Variants in BCL2 observed in about 807,000 individuals in gnomAD.
BCL2 encodes apoptosis regulator Bcl-2.
BCL2 carries 1 observed loss-of-function variant against 14.2 expected under a neutral mutation model. The observed-to-expected ratio is 0.07, with a 90% confidence interval of 0.02 to 0.33. The LOEUF (loss-of-function observed/expected upper bound fraction) is 0.33. Among genes scored for constraint, BCL2 ranks in the 10% least tolerant of loss-of-function variants. BCL2 has a pLI of 0.99. For missense variants in BCL2, 247 were observed against 305.9 expected, an observed-to-expected ratio of 0.81 and a Z score of 1.44; for synonymous variants, 151 against 137.2, an observed-to-expected ratio of 1.10 and a Z score of -0.70.
In BCL2 at chr18:63,169,285, T is replaced by TTTC; in HGVS notation, c.586-40529_586-40527dup. Reference sequence around the variant, plus strand: ...CTTTCTTTCTTTCTTTCTTTCTTTCTTTCTTTCTTTCTTTCTTTCTTTCTT... The same window carrying TTTC: ...CTTTCTTTCTTTCTTTCTTTCTTTCTTTCTTCTTTCTTTCTTTCTTTCTTTCTT... On this transcript the variant is annotated intron_variant, in intron 2 of 2. Coordinates refer to ENST00000333681, the MANE Select transcript of BCL2 (RefSeq NM_000633.3). 2.7e-5 allele frequency among the ~76,000 whole-genome samples: 2 copies of TTTC among 73,056 alleles called. 1 individual carries two copies. The highest frequency in any genetic ancestry group is 1.2e-3 in the South Asian group (2 of 1,646). The allele number at this position is 73,056 out of a possible 152,430, so 47.9% of individuals were successfully genotyped here. A position where few individuals can be genotyped will look rare whatever the true frequency, so the allele number is the denominator to read the frequency against.
chr18:63,266,341 A>G (rs1911822196), intron 2 of BCL2, among the ~76,000 whole-genome samples: 2 of 151,588 alleles, frequency 1.3e-5, no homozygotes, highest in Non-Finnish European at 2.9e-5. Context: ...GGCTATCATA[A>G]ATATAAAAGA....
rs1281345736 is a variant in BCL2, at chr18:63,126,805, T to C, written c.*1820A>G. ...AATTAAAAACAAAAAAACGCTGAGA[T>C]GCATGTATTTTTTTAAAGCAGCTTT... On this transcript the variant is annotated 3_prime_UTR_variant, in exon 3 of 3. Coordinates refer to ENST00000333681, the MANE Select transcript of BCL2 (RefSeq NM_000633.3). 1 of 228,092 alleles carries C rather than the reference T, an allele frequency of 4.4e-6. No individual in the cohort carries two copies. The highest frequency in any genetic ancestry group is 5.7e-5 in the Admixed American group (1 of 17,580). 14.1% of individuals were successfully genotyped at this position (228,092 alleles called of 1,614,324 possible). A position where few individuals can be genotyped will look rare whatever the true frequency, so the allele number is the denominator to read the frequency against.
chr18:63,144,560 G>A (rs1914458454), intron 2 of BCL2, among the ~76,000 whole-genome samples: 1 of 152,034 alleles, frequency 6.6e-6, no homozygotes, highest in Non-Finnish European at 1.5e-5. Context: ...ATAAATATGA[G>A]AGGCTAAACA....
intron 2 of BCL2, among the ~76,000 whole-genome samples, chr18:63,304,045 C>T (rs974751206): frequency 6.6e-6 from 1 of 152,172 alleles, no homozygotes; most frequent in African/African-American, 2.4e-5. Context: ...TCTGTGTAAA[C>T]TTGTAGTACT....
At chr18:63,287,329 A>C (rs2144263219) in intron 2 of BCL2, among the ~76,000 whole-genome samples, 1 of 152,324 alleles carries the variant, frequency 6.6e-6, no homozygotes. Flanking sequence ...GTGTTTCTCA[A>C]GGTGCTCAAC....
chr18:63,185,881 T>C (rs966471862), intron 2 of BCL2, among the ~76,000 whole-genome samples: 1 of 152,224 alleles, frequency 6.6e-6, no homozygotes, highest in Non-Finnish European at 1.5e-5. Context: ...CACTTTACTA[T>C]CTTTTTCCAT....
At chr18:63,163,581 G>A (rs1289151060) in intron 2 of BCL2, among the ~76,000 whole-genome samples, 1 of 152,138 alleles carries the variant, frequency 6.6e-6, no homozygotes, top group Non-Finnish European at 1.5e-5. Context: ...CATGTTGCCT[G>A]AAAGAGAAAC....
In BCL2 at chr18:63,149,467, C is replaced by T. The variant is rs1914593345; in HGVS notation, c.586-20708G>A. 1.3e-5 allele frequency among the ~76,000 whole-genome samples: 2 copies of T among 152,228 alleles called. No homozygotes were observed. The highest frequency in any genetic ancestry group is 2.1e-4 in the South Asian group (1 of 4,834). On this transcript the variant is annotated intron_variant, in intron 2 of 2. Transcript: ENST00000333681. This position sits in a 1 kb window ranked among gnomAD's most constrained non-coding sequence, Gnocchi z 4.2. Reference sequence around the variant, plus strand: ...GGTCCCGGGCTATATGTATAAGTTGCAACTGTTGGCTGGTGCCAGACGACT... The same window carrying T: ...GGTCCCGGGCTATATGTATAAGTTGTAACTGTTGGCTGGTGCCAGACGACT...
intron 2 of BCL2, among the ~76,000 whole-genome samples, chr18:63,234,992 C>A (rs1430445481): frequency 6.6e-6 from 1 of 151,930 alleles, no homozygotes; most frequent in Non-Finnish European, 1.5e-5. Flanking sequence ...AATAAAGAAA[C>A]AACGAACCAA....
At chr18:63,289,865 G>GC (rs1377082287) in intron 2 of BCL2, among the ~76,000 whole-genome samples, 1 of 152,182 alleles carries the variant, frequency 6.6e-6, no homozygotes, top group Non-Finnish European at 1.5e-5. Context: ...CTGTACTCCA[G>GC]CTGGGTGACA....
chr18:63,155,819 T>C (rs1458595596), intron 2 of BCL2, among the ~76,000 whole-genome samples: 4 of 152,092 alleles, frequency 2.6e-5, no homozygotes, highest in Non-Finnish European at 5.9e-5. Context: ...CCCTCTCCTT[T>C]CTTTCTCCAG....
chr18:63,196,639 T>C (rs72943058), intron 2 of BCL2, among the ~76,000 whole-genome samples: 1,724 of 152,280 alleles, frequency 0.011, 14 homozygotes, highest in South Asian at 0.019. Flanking sequence ...ATGCTGTTAA[T>C]ATGCTCACTT....
intron 2 of BCL2, among the ~76,000 whole-genome samples, chr18:63,261,791 CT>C (rs10597397): frequency 1.7e-3 from 243 of 143,430 alleles, no homozygotes; most frequent in Middle Eastern, 7.4e-3. Context: ...GTTATTTTTT[CT>C]TTTTTTTTTT....
At chr18:63,136,106 CTA>C (rs1914201141) in intron 2 of BCL2, among the ~76,000 whole-genome samples, 1 of 152,182 alleles carries the variant, frequency 6.6e-6, no homozygotes, top group Non-Finnish European at 1.5e-5. Context: ...CCTCCCTGGC[CTA>C]TTCTGATAAG....
chr18:63,178,653 T>C (rs968154649), intron 2 of BCL2, among the ~76,000 whole-genome samples: 1 of 152,186 alleles, frequency 6.6e-6, no homozygotes, highest in Non-Finnish European at 1.5e-5. Context: ...CACTTGGGTC[T>C]GATGGATGTT....
rs976054177 is a variant in BCL2 at position 63,318,784 on chromosome 18, A to G, written c.-118T>C. On this transcript the variant is annotated 5_prime_UTR_variant, in exon 2 of 3. An upstream start codon of the reference 5' UTR is lost. Coordinates refer to ENST00000333681, the MANE Select transcript of BCL2 (RefSeq NM_000633.3). The surrounding 1 kb of genome is among the most constrained non-coding windows in gnomAD (Gnocchi z 7.4). ...AGCTATTTTATTGGATGTGCTTTGC[A>G]TTCTTGGACGAGGGGGTGTCTTCAA... The G allele has an allele frequency of 6.7e-7, 1 of 1,500,434 alleles. No individual in the cohort carries two copies. The allele number at this position is 1,500,434 out of a possible 1,614,324, so 92.9% of individuals were successfully genotyped here. A position where few individuals can be genotyped will look rare whatever the true frequency, so the allele number is the denominator to read the frequency against.
intron 2 of BCL2, among the ~76,000 whole-genome samples, chr18:63,294,200 C>T (rs559775299): frequency 3.8e-4 from 58 of 151,848 alleles, no homozygotes; most frequent in Non-Finnish European, 6.6e-4. Context: ...CCAACAGAAA[C>T]GATGCCAGAC....
chr18:63,187,823 T>C (rs562234809), intron 2 of BCL2, among the ~76,000 whole-genome samples: 1 of 152,326 alleles, frequency 6.6e-6, no homozygotes, highest in African/African-American at 2.4e-5. Flanking sequence ...TTACGTTACT[T>C]GAATGTTTTC....
intron 2 of BCL2, among the ~76,000 whole-genome samples, chr18:63,237,167 G>A (rs1910862016): frequency 6.6e-6 from 1 of 152,066 alleles, no homozygotes; most frequent in African/African-American, 2.4e-5. Flanking sequence ...CCCAGCCCGG[G>A]GACTGTGGTA....
Sources: gnomAD v4.1 joint callset for allele counts (sites outside exome capture counted in the v4.1 genomes callset) on GRCh38, gnomAD v4.1.1 for gene constraint, Gnocchi (gnomAD v3.1) non-coding constraint, MANE v1.5 for transcripts, NCBI Gene and HGNC (gene_info 2026-07-23, HGNC 2026-07-21) for gene names.